The following SPAG16 variants were observed in gnomAD, a reference collection of about 807,000 sequenced individuals.
The protein encoded by SPAG16 is sperm-associated antigen 16 protein.
A neutral mutation model predicts 80.4 loss-of-function variants in SPAG16; 86 were observed. That is an observed-to-expected ratio of 1.07 (90% CI 0.90 to 1.28). The LOEUF (loss-of-function observed/expected upper bound fraction) is 1.28. SPAG16 is among the 50% of genes most tolerant of loss of function. The probability of loss-of-function intolerance (pLI) is 0.00; values close to 1 mark genes in which losing one functional copy is unlikely to be tolerated. For missense variants in SPAG16, 870 were observed against 765.3 expected (o/e 1.14, Z -1.61); for synonymous variants, 294 against 265.9 (o/e 1.11, Z -1.03).
Position 214,358,246 on chromosome 2 carries a change from C to T in SPAG16, c.1721-51894C>T, listed in dbSNP as rs13393031. Among the ~76,000 whole-genome samples, 138 of 151,896 alleles carry T rather than the reference C, an allele frequency of 9.1e-4. 1 individual carries two copies. The highest frequency in any genetic ancestry group is 3.2e-3 in the African/African-American group (133 of 41,488). The stretch of plus-strand genomic sequence containing the variant: ...CAGTTTTAAATGAGCATCTCTGATC[C>T]GACCCTTGCATCTACCCAAGCTTGG... On this transcript the variant is annotated intron_variant, in intron 15 of 15. Transcript: ENST00000331683.
At chr2:214,173,990 A>G (rs1173657885) in intron 15 of SPAG16, among the ~76,000 whole-genome samples, 3 of 152,034 alleles carry the variant, frequency 2.0e-5, no homozygotes, top group Non-Finnish European at 4.4e-5. Flanking sequence ...GATTATCTCA[A>G]TAGATGCAGA....
chr2:213,820,841 ATTTTGTTTACTT>A (rs2072893649), intron 10 of SPAG16, among the ~76,000 whole-genome samples: 1 of 152,130 alleles, frequency 6.6e-6, no homozygotes, highest in Admixed American at 6.5e-5. Flanking sequence ...ACCTAACTTT[ATTTTGTTTACTT>A]ATATGTATAA....
chr2:213,288,160 C>A (rs1411909918), intron 1 of SPAG16, among the ~76,000 whole-genome samples: 2 of 152,154 alleles, frequency 1.3e-5, no homozygotes, highest in African/African-American at 4.8e-5. Flanking sequence ...TCAAGGCATC[C>A]TACTGCCTTG....
chr2:213,884,482 G>C (rs1436784785), intron 11 of SPAG16, among the ~76,000 whole-genome samples: 2 of 152,084 alleles, frequency 1.3e-5, no homozygotes, highest in Non-Finnish European at 2.9e-5. Flanking sequence ...CTTAGTGATG[G>C]TTGTCTTGTG....
chr2:213,903,237 T>C (rs937575469), intron 11 of SPAG16, among the ~76,000 whole-genome samples: 1 of 152,148 alleles, frequency 6.6e-6, no homozygotes, highest in Non-Finnish European at 1.5e-5. Flanking sequence ...GCATGGGGGC[T>C]CAGACCCCAC....
At chr2:214,022,876 C>T (rs1371433635) in intron 13 of SPAG16, among the ~76,000 whole-genome samples, 1 of 151,992 alleles carries the variant, frequency 6.6e-6, no homozygotes, top group Non-Finnish European at 1.5e-5. Context: ...TTAAGAAATA[C>T]ATAAATTATG....
intron 10 of SPAG16, among the ~76,000 whole-genome samples, chr2:213,795,885 T>C (rs2070995076): frequency 6.6e-6 from 1 of 152,198 alleles, no homozygotes; most frequent in African/African-American, 2.4e-5. Context: ...ATGCTTTCTG[T>C]ACAGCCTGCA....
intron 15 of SPAG16, among the ~76,000 whole-genome samples, chr2:214,197,284 CAAAAT>C (rs1213790433): frequency 1.3e-5 from 2 of 151,828 alleles, no homozygotes; most frequent in South Asian, 2.1e-4. Flanking sequence ...TTTATACAGA[CAAAAT>C]AAATAAGAAA....
chr2:213,468,504 G>GTATTT (rs2072863122), intron 9 of SPAG16, among the ~76,000 whole-genome samples: 7 of 58,574 alleles, frequency 1.2e-4, no homozygotes, highest in African/African-American at 3.7e-4. Flanking sequence ...TTTATATATA[G>GTATTT]ATATATATAT....
At chr2:213,296,186 G>A (rs986466377) in intron 2 of SPAG16, 76 bp downstream of exon 2, 1 of 1,104,130 alleles carries the variant, frequency 9.1e-7, no homozygotes, top group Non-Finnish European at 1.4e-6. Context: ...TTTATTTTCT[G>A]AAACATGTAA....
intron 14 of SPAG16, among the ~76,000 whole-genome samples, chr2:214,114,911 T>A (rs1353352157): frequency 1.3e-5 from 2 of 152,240 alleles, no homozygotes; most frequent in African/African-American, 4.8e-5. Flanking sequence ...AGTTGCAGAC[T>A]GGTGCTGTTC....
chr2:213,612,028 T>C (rs1278695284), intron 10 of SPAG16, among the ~76,000 whole-genome samples: 1 of 152,188 alleles, frequency 6.6e-6, no homozygotes, highest in Non-Finnish European at 1.5e-5. Flanking sequence ...CAATGCTTTA[T>C]GTAAATACAG....
chr2:213,305,513 G>C (rs2062906137), intron 3 of SPAG16, among the ~76,000 whole-genome samples: 1 of 152,046 alleles, frequency 6.6e-6, no homozygotes, highest in East Asian at 1.9e-4. Context: ...GGCGTTTACT[G>C]TGTTGAGGTA....
chr2:214,057,165 G>C (rs1320407624), intron 13 of SPAG16, among the ~76,000 whole-genome samples: 1 of 131,166 alleles, frequency 7.6e-6, no homozygotes, highest in African/African-American at 2.9e-5. Context: ...CTTTCCAGAA[G>C]GTTTTCAGTT....
intron 9 of SPAG16, among the ~76,000 whole-genome samples, chr2:213,410,108 C>T (rs1415305819): frequency 1.3e-5 from 2 of 151,994 alleles, no homozygotes; most frequent in East Asian, 1.9e-4. Flanking sequence ...TCATCACACC[C>T]GAGTCAAGAA....
At chr2:214,296,178 TCA>T (rs1694118231) in intron 15 of SPAG16, among the ~76,000 whole-genome samples, 2 of 152,230 alleles carry the variant, frequency 1.3e-5, no homozygotes, top group Admixed American at 6.5e-5. Flanking sequence ...CTGAGTTATT[TCA>T]CTTAGAATAA....
At chr2:214,333,851 T>C (rs1336814273) in intron 15 of SPAG16, among the ~76,000 whole-genome samples, 1 of 152,210 alleles carries the variant, frequency 6.6e-6, no homozygotes, top group African/African-American at 2.4e-5. Flanking sequence ...TCAAAGCACT[T>C]ATAAATTCTA....
intron 15 of SPAG16, among the ~76,000 whole-genome samples, chr2:214,339,088 C>A (rs1351292349): frequency 6.6e-6 from 1 of 152,148 alleles, no homozygotes; most frequent in Non-Finnish European, 1.5e-5. Flanking sequence ...GATACCCAAT[C>A]AAATGAAACT....
Position 213,310,194 on chromosome 2 carries a change from A to T in SPAG16, c.398+17A>T. ...GTCTGAATGGTAAACAATTATGTAG[A>T]TAAATAGTTCTCTTAAAATTCTAAC... is the stretch of plus-strand genomic sequence containing the variant. On this transcript the variant is annotated intron_variant, in intron 4 of 15. Transcript: ENST00000331683. 2 of 1,489,830 alleles carry T rather than the reference A, an allele frequency of 1.3e-6. No homozygotes were observed. 92.3% of individuals were successfully genotyped at this position (1,489,830 alleles called of 1,614,324 possible).
Sources: gnomAD v4.1 joint callset for allele counts (sites outside exome capture counted in the v4.1 genomes callset) on GRCh38, gnomAD v4.1.1 for gene constraint, MANE v1.5 for transcripts, NCBI Gene and HGNC (gene_info 2026-07-23, HGNC 2026-07-21) for gene names.